The following SAP130 variants were observed in gnomAD, a reference collection of about 807,000 sequenced individuals.
SAP130 encodes the protein Sin3A associated protein 130.
A neutral mutation model predicts 103.2 loss-of-function variants in SAP130; 16 were observed. That is an observed-to-expected ratio of 0.16 (90% CI 0.10 to 0.24). The LOEUF (loss-of-function observed/expected upper bound fraction) is 0.24, where lower values mean the gene tolerates loss of function less well. Ranked by LOEUF, SAP130 falls within the 10% of genes least tolerant of loss-of-function variation. The probability of loss-of-function intolerance (pLI) is 1.00; values close to 1 mark genes in which losing one functional copy is unlikely to be tolerated. For synonymous variants in SAP130, 477 were observed against 497.0 expected (o/e 0.96, Z 0.53); for missense variants, 990 against 1,359.7 (o/e 0.73, Z 4.28).
chr2:128,020,138 T>G (rs1228215942), intron 2 of SAP130, among the ~76,000 whole-genome samples: 2 of 152,222 alleles, frequency 1.3e-5, no homozygotes, highest in East Asian at 1.9e-4. Flanking sequence ...TTTTAAATTT[T>G]GGGTTTTTAT....
intron 15 of SAP130, among the ~76,000 whole-genome samples, chr2:127,965,012 A>AAC (rs55803045): frequency 6.8e-6 from 1 of 147,374 alleles, no homozygotes; most frequent in Non-Finnish European, 1.5e-5. Context: ...AAAAAAAAAA[A>AAC]CAGGCTGGGT....
rs115341695 is a variant in SAP130 at position 127,963,875 on chromosome 2, C to T, written c.2064-8531G>A. Among the ~76,000 whole-genome samples the T allele has an allele frequency of 1.6e-3, 249 of 152,296 alleles. 2 individuals carry two copies. Among genetic ancestry groups the T allele is most frequent in the African/African-American group, 5.6e-3 (233 of 41,578 alleles). The stretch of plus-strand genomic sequence containing the variant: ...GCCTCCCCAGCCACATAAATTTATG[C>T]ATGGTTTTTTCTATCATTATTTGCA... On this transcript the variant is annotated intron_variant, in intron 15 of 20. Transcript: ENST00000643581.
At chr2:127,976,638 A>G (rs894833350) in intron 15 of SAP130, among the ~76,000 whole-genome samples, 16 of 152,372 alleles carry the variant, frequency 1.1e-4, no homozygotes. Flanking sequence ...GGGGCCGGGC[A>G]CGGTGGCTCA....
chr2:127,983,834 T>G (rs974941587), intron 14 of SAP130, among the ~76,000 whole-genome samples: 12 of 126,082 alleles, frequency 9.5e-5, no homozygotes, highest in Admixed American at 7.9e-4. Context: ...TTTTTTTTTT[T>G]TTTTTTTTTT....
chr2:127,983,042 G>C (rs891404326), intron 14 of SAP130, among the ~76,000 whole-genome samples: 10 of 152,286 alleles, frequency 6.6e-5, no homozygotes, highest in Admixed American at 5.9e-4. Flanking sequence ...TCAAGCACCT[G>C]AGGGGCCAGG....
intron 5 of SAP130, among the ~76,000 whole-genome samples, chr2:128,013,631 A>C (rs1684556841): frequency 6.6e-6 from 1 of 152,226 alleles, no homozygotes; most frequent in Non-Finnish European, 1.5e-5. Context: ...GTTATGCTAT[A>C]ACCAAGCAAA....
At chr2:128,004,210 G>GT (rs984675260) in intron 7 of SAP130, among the ~76,000 whole-genome samples, 2 of 151,664 alleles carry the variant, frequency 1.3e-5, no homozygotes, top group Non-Finnish European at 2.9e-5. Context: ...TAAGGAAATA[G>GT]TAAGGAAAAC....
intron 2 of SAP130, among the ~76,000 whole-genome samples, chr2:128,022,996 A>T (rs904410184): frequency 1.1e-4 from 16 of 141,798 alleles, no homozygotes; most frequent in African/African-American, 4.1e-4. Context: ...CACCTGGCTA[A>T]TTTTTTTTTT....
At chr2:127,975,320 C>T (rs1347807160) in intron 15 of SAP130, among the ~76,000 whole-genome samples, 1 of 151,884 alleles carries the variant, frequency 6.6e-6, no homozygotes, top group East Asian at 1.9e-4. Flanking sequence ...CAACAAAAGA[C>T]CAAAAAGGGA....
At position 127,950,318 on chromosome 2, in the gene SAP130, C is replaced by A. The variant is rs1231582268; in HGVS notation, c.2513G>T (p.Gly838Val). The A allele has an allele frequency of 6.2e-7, 1 of 1,614,142 alleles. No homozygotes were observed. Among genetic ancestry groups the A allele is most frequent in the Admixed American group, 1.7e-5 (1 of 60,008 alleles). ...TCGAGGCTTTTTCCTTGGGGAGGCA[C>A]CAGGTGGTAGGTCACTTGTAGGCAT... ...LSMPTSDLPP[G>V]ASPRKKPRKQ... is the part of the protein sequence containing the mutation. The change falls in exon 17 of 21, where the codon GGT becomes GTT. Residue 838 changes from glycine to valine, a missense_variant. Gly to Val is a moderately radical substitution (Grantham distance 109, BLOSUM62 -3). Transcript: ENST00000643581.
intron 14 of SAP130, among the ~76,000 whole-genome samples, chr2:127,984,985 T>C (rs1431102689): frequency 6.6e-6 from 1 of 152,230 alleles, no homozygotes; most frequent in Admixed American, 6.5e-5. Flanking sequence ...TTGGTCCTTT[T>C]GAAGATTTTC....
chr2:127,947,764 C>G lies in SAP130; in HGVS notation c.2797+2105G>C, dbSNP rs112960362. ...TGAATTAATTTTGTATTGTGTGTGT[C>G]TGTGTGTGTGTGTGTGTGTGTGTGT... On this transcript the variant is annotated intron_variant, in intron 18 of 20. Transcript: ENST00000643581. 2.1e-3 allele frequency among the ~76,000 whole-genome samples: 303 copies of G among 143,412 alleles called. 2 individuals are homozygous for G. Among genetic ancestry groups the G allele is most frequent in the Middle Eastern group, 7.1e-3 (2 of 280 alleles). 94.1% of individuals were successfully genotyped at this position (143,412 alleles called of 152,430 possible). A position where few individuals can be genotyped will look rare whatever the true frequency, so the allele number is the denominator to read the frequency against.
intron 2 of SAP130, among the ~76,000 whole-genome samples, chr2:128,019,292 A>T (rs995261377): frequency 1.3e-5 from 2 of 151,836 alleles, no homozygotes; most frequent in African/African-American, 4.8e-5. Flanking sequence ...TTTTTGAGAC[A>T]AGGTCTCACT....
chr2:127,984,062 T>C (rs762813619), intron 14 of SAP130, among the ~76,000 whole-genome samples: 24 of 152,074 alleles, frequency 1.6e-4, no homozygotes, highest in African/African-American at 5.6e-4. Context: ...TGGTTCTTTT[T>C]ATTGTTGTTT....
At chr2:128,021,604 C>T (rs1685168910) in intron 2 of SAP130, among the ~76,000 whole-genome samples, 1 of 152,066 alleles carries the variant, frequency 6.6e-6, no homozygotes, top group Non-Finnish European at 1.5e-5. Context: ...AGAATACCAC[C>T]ACTGGTTTAC....
intron 5 of SAP130, among the ~76,000 whole-genome samples, chr2:128,014,378 G>A (rs946410490): frequency 2.7e-5 from 4 of 149,292 alleles, no homozygotes; most frequent in Non-Finnish European, 5.9e-5. Flanking sequence ...TCAGCCTCCT[G>A]AGTGCCATCC....
intron 4 of SAP130, 110 bp downstream of exon 4, chr2:128,016,279 G>A: frequency 1.7e-6 from 2 of 1,160,470 alleles, no homozygotes; most frequent in Non-Finnish European, 2.5e-6. Flanking sequence ...ATCAGTGACT[G>A]TTTGATCTTT....
At chr2:128,017,159 TA>T (rs1271002886) in intron 3 of SAP130, among the ~76,000 whole-genome samples, 1 of 152,060 alleles carries the variant, frequency 6.6e-6, no homozygotes, top group Non-Finnish European at 1.5e-5. Context: ...CCATCTCTAC[TA>T]AAAATACAAA....
In SAP130 at chr2:127,986,846, C is replaced by G. The variant is rs751056874; in HGVS notation, c.1897G>C (p.Ala633Pro). ...CGTGGCGATGAGCCCTGGGCGGGAG[C>G]GTTGGTGCTAGCACTCTGGCTGTGG... ...QTHSQSASTN[A>P]PAQGSSPRPS... The change falls in exon 14 of 21, where the codon GCT becomes CCT. Residue 633 changes from alanine to proline, a missense_variant. Ala to Pro is a conservative substitution (Grantham distance 27). This residue lies in a region of SAP130 where 349 missense variants were observed against 384.1 expected (regional missense o/e 0.91). Coordinates refer to ENST00000643581, the MANE Select transcript of SAP130 (RefSeq NM_001330301.2). This position sits in a 1 kb window ranked among gnomAD's most constrained non-coding sequence, Gnocchi z 4.7. 15 of 1,614,232 alleles carry G rather than the reference C, an allele frequency of 9.3e-6. No homozygotes were observed. The highest frequency in any genetic ancestry group is 1.2e-5 in the Non-Finnish European group (14 of 1,180,032).
Sources: gnomAD v4.1 joint callset for allele counts (sites outside exome capture counted in the v4.1 genomes callset) on GRCh38, gnomAD v4.1.1 for gene constraint, gnomAD v4.1.1 regional missense constraint, Gnocchi (gnomAD v3.1) non-coding constraint, MANE v1.5 for transcripts, NCBI Gene and HGNC (gene_info 2026-07-23, HGNC 2026-07-21) for gene names.